The following NRG1 variants were observed in gnomAD, a reference collection of about 807,000 sequenced individuals.
NRG1 encodes the protein neuregulin 1.
Under a neutral mutation model 63.8 loss-of-function variants are expected in NRG1, and 18 were observed. That is an observed-to-expected ratio of 0.28 (90% CI 0.19 to 0.42). The LOEUF is 0.42. Ranked by LOEUF, NRG1 falls within the 10% of genes least tolerant of loss-of-function variation. NRG1 has a pLI of 1.00. For synonymous variants in NRG1, 302 were observed against 301.3 expected, an observed-to-expected ratio of 1.00 and a Z score of -0.02; for missense variants, 762 against 814.7, an observed-to-expected ratio of 0.94 and a Z score of 0.79.
intron 1 of NRG1, among the ~76,000 whole-genome samples, chr8:32,471,034 G>A (rs891460683): frequency 2.6e-5 from 4 of 152,186 alleles, no homozygotes; most frequent in East Asian, 1.9e-4. Flanking sequence ...ACTCCTAGGC[G>A]CAAGCAATCC....
At chr8:32,559,245 T>TAAAAAAAAATAAAAAAAAAAAA (rs1835850067) in intron 1 of NRG1, among the ~76,000 whole-genome samples, 1 of 96,790 alleles carries the variant, frequency 1.0e-5, no homozygotes, top group Non-Finnish European at 2.0e-5. Context: ...CTCTAAAATG[T>TAAAAAAAAATAAAAAAAAAAAA]AAAAAAAAAA....
chr8:32,264,871 A>T (rs1850754013), intron 1 of NRG1, among the ~76,000 whole-genome samples: 1 of 152,180 alleles, frequency 6.6e-6, no homozygotes. Context: ...AGGAAGTGGC[A>T]TATCAACAGG....
chr8:31,651,538 TTC>T (rs1804843472), intron 1 of NRG1, among the ~76,000 whole-genome samples: 1 of 152,130 alleles, frequency 6.6e-6, no homozygotes, highest in African/African-American at 2.4e-5. Context: ...GTGGCAGCAG[TTC>T]TAATGGCTGC....
chr8:32,185,707 C>G (rs1041992637), intron 1 of NRG1, among the ~76,000 whole-genome samples: 3 of 152,200 alleles, frequency 2.0e-5, no homozygotes, highest in Non-Finnish European at 4.4e-5. Context: ...TTGTTCATCT[C>G]TCCTCTAGTC....
In NRG1 at chr8:31,839,508, G is replaced by C. The variant is rs561289059; in HGVS notation, c.37+200077G>C. ...TCTAGTTATGGAAAAGGAGAATGGA[G>C]TCTAGCCGTATAAAGTTACTAAACC... is the stretch of plus-strand genomic sequence containing the variant. On this transcript the variant is annotated intron_variant, in intron 1 of 10. Transcript: ENST00000519301. 4.1e-4 allele frequency among the ~76,000 whole-genome samples: 62 copies of C among 152,260 alleles called. 1 individual carries two copies. The highest frequency in any genetic ancestry group is 1.3e-3 in the African/African-American group (54 of 41,544).
intron 1 of NRG1, among the ~76,000 whole-genome samples, chr8:32,206,394 A>G (rs937343483): frequency 6.6e-6 from 1 of 152,216 alleles, no homozygotes; most frequent in Non-Finnish European, 1.5e-5. Context: ...AAAGGAAAGG[A>G]GGAAAGGCAT....
chr8:32,470,196 T>C (rs1318948922), intron 1 of NRG1, among the ~76,000 whole-genome samples: 1 of 146,894 alleles, frequency 6.8e-6, no homozygotes, highest in Admixed American at 6.8e-5. Flanking sequence ...TTTTTTTTTT[T>C]TTTACACAGA....
chr8:31,904,895 CA>C (rs1317668741), intron 1 of NRG1, among the ~76,000 whole-genome samples: 1 of 151,898 alleles, frequency 6.6e-6, no homozygotes, highest in Non-Finnish European at 1.5e-5. Context: ...AGGTGAGGAT[CA>C]AAAAACTACC....
chr8:32,578,483 G>A (rs1380852276), intron 1 of NRG1, among the ~76,000 whole-genome samples: 1 of 137,580 alleles, frequency 7.3e-6, no homozygotes, highest in African/African-American at 2.7e-5. Context: ...TTTTTTTTTT[G>A]TCACTAACAT....
intron 9 of NRG1, among the ~76,000 whole-genome samples, chr8:32,757,384 C>G (rs1486780518): frequency 6.6e-6 from 1 of 151,992 alleles, no homozygotes; most frequent in East Asian, 1.9e-4. Context: ...TTTTAATACA[C>G]AAAGCTTGAA....
Position 32,477,105 on chromosome 8 carries a change from C to T in NRG1, c.38-118723C>T, listed in dbSNP as rs186352233. ...ATTGATGATTATGGAAGCAGAAAGC[C>T]AATTGAGTTAAATATTCATTCCAGC... On this transcript the variant is annotated intron_variant, in intron 1 of 10. Coordinates refer to the NRG1 transcript ENST00000519301. Among the ~76,000 whole-genome samples, 32 of 152,188 alleles carry T rather than the reference C, an allele frequency of 2.1e-4. No homozygotes were observed. The East Asian group carries it at 5.6e-3, about 27-fold the overall frequency.
chr8:32,444,230 C>T (rs541657515), intron 1 of NRG1, among the ~76,000 whole-genome samples: 45 of 152,098 alleles, frequency 3.0e-4, no homozygotes, highest in East Asian at 2.3e-3. Flanking sequence ...GGGATCCTCC[C>T]GCCTCAGCCT....
chr8:32,294,975 T>A (rs774654024), intron 1 of NRG1, among the ~76,000 whole-genome samples: 1 of 152,150 alleles, frequency 6.6e-6, no homozygotes, highest in Non-Finnish European at 1.5e-5. Flanking sequence ...ATAAAAACTC[T>A]AGCAATTCTG....
chr8:32,145,896 T>C (rs918641081), intron 1 of NRG1, among the ~76,000 whole-genome samples: 1 of 152,230 alleles, frequency 6.6e-6, no homozygotes, highest in African/African-American at 2.4e-5. Context: ...TGTGAAGTTG[T>C]GCTAACCATA....
intron 1 of NRG1, among the ~76,000 whole-genome samples, chr8:32,261,687 T>A (rs889503918): frequency 2.6e-5 from 4 of 152,086 alleles, no homozygotes; most frequent in African/African-American, 9.7e-5. Context: ...TCCCCCCTTG[T>A]ATTGGACGGT....
intron 3 of NRG1, 98 bp downstream of exon 3, chr8:32,605,781 G>C: frequency 7.4e-7 from 1 of 1,351,042 alleles, no homozygotes; most frequent in Non-Finnish European, 1.0e-6. Flanking sequence ...AAATCTCATT[G>C]TGAACAAATT....
At chr8:31,877,191 A>G (rs998725131) in intron 1 of NRG1, among the ~76,000 whole-genome samples, 1 of 152,220 alleles carries the variant, frequency 6.6e-6, no homozygotes, top group African/African-American at 2.4e-5. Context: ...TTCAAAGTTG[A>G]TGGCCTTGTT....
intron 1 of NRG1, among the ~76,000 whole-genome samples, chr8:32,096,449 C>T (rs1391032041): frequency 6.6e-6 from 1 of 152,114 alleles, no homozygotes. Context: ...ATCTGTTCTT[C>T]TAGCTATCTG....
intron 1 of NRG1, among the ~76,000 whole-genome samples, chr8:31,659,213 A>G (rs1431313515): frequency 6.6e-6 from 1 of 152,168 alleles, no homozygotes; most frequent in Non-Finnish European, 1.5e-5. Flanking sequence ...CCTTCACTAG[A>G]ACACCATGCA....
Sources: gnomAD v4.1 joint callset for allele counts (sites outside exome capture counted in the v4.1 genomes callset) on GRCh38, gnomAD v4.1.1 for gene constraint, MANE v1.5 for transcripts, NCBI Gene and HGNC (gene_info 2026-07-23, HGNC 2026-07-21) for gene names.